Variants in SNTG1 observed in about 807,000 individuals in gnomAD.
SNTG1 encodes the protein gamma-1-syntrophin.
Under a neutral mutation model 74.7 loss-of-function variants are expected in SNTG1, and 39 were observed. That is an observed-to-expected ratio of 0.52 (90% CI 0.40 to 0.68). The LOEUF (loss-of-function observed/expected upper bound fraction) is 0.68. Among genes scored for constraint, SNTG1 ranks in the 30% least tolerant of loss-of-function variants. SNTG1 has a pLI of 0.00. For synonymous variants in SNTG1, 254 were observed against 217.1 expected (o/e 1.17, Z -1.49); for missense variants, 685 against 609.5 (o/e 1.12, Z -1.30).
At chr8:50,546,178 A>G (rs576827189) in intron 11 of SNTG1, among the ~76,000 whole-genome samples, 2 of 152,158 alleles carry the variant, frequency 1.3e-5, no homozygotes, top group Non-Finnish European at 2.9e-5. Flanking sequence ...AGAACTGAGG[A>G]GCAGTGATTA....
intron 1 of SNTG1, among the ~76,000 whole-genome samples, chr8:49,963,643 A>C (rs971919473): frequency 2.0e-5 from 3 of 152,188 alleles, no homozygotes; most frequent in African/African-American, 7.2e-5. Flanking sequence ...GGTGGAATTC[A>C]GTCCAGTGCT....
intron 4 of SNTG1, among the ~76,000 whole-genome samples, chr8:50,424,863 A>G (rs141148778): frequency 5.3e-4 from 81 of 152,328 alleles, no homozygotes; most frequent in African/African-American, 1.7e-3. Context: ...AGATGGAAAC[A>G]TAATTATGCT....
At chr8:49,960,433 A>G (rs1394621837) in intron 1 of SNTG1, among the ~76,000 whole-genome samples, 1 of 152,200 alleles carries the variant, frequency 6.6e-6, no homozygotes, top group African/African-American at 2.4e-5. Context: ...TTACAGCATA[A>G]TATACAGAAT....
intron 17 of SNTG1, among the ~76,000 whole-genome samples, chr8:50,720,565 A>G (rs4146359): frequency 0.1 from 15,586 of 152,188 alleles, 2,237 homozygotes; most frequent in African/African-American, 0.32. Context: ...AGAAAAGTCT[A>G]AGCATTATGA....
At chr8:50,632,949 C>T (rs1301715218) in intron 13 of SNTG1, among the ~76,000 whole-genome samples, 2 of 152,200 alleles carry the variant, frequency 1.3e-5, no homozygotes, top group Admixed American at 6.5e-5. Context: ...AACATATTCA[C>T]TTGCAAAACC....
intron 1 of SNTG1, among the ~76,000 whole-genome samples, chr8:50,098,309 A>C (rs2080002766): frequency 6.6e-6 from 1 of 152,200 alleles, no homozygotes; most frequent in South Asian, 2.1e-4. Context: ...AAGATAGGGT[A>C]ATATACAGTG....
chr8:50,263,935 A>G (rs1313832200), intron 2 of SNTG1, among the ~76,000 whole-genome samples: 3 of 152,228 alleles, frequency 2.0e-5, no homozygotes, highest in African/African-American at 4.8e-5. Flanking sequence ...ATGCTAAGCC[A>G]TAAAACAAGC....
intron 2 of SNTG1, among the ~76,000 whole-genome samples, chr8:50,310,920 T>C (rs1401478615): frequency 1.3e-5 from 2 of 152,170 alleles, no homozygotes; most frequent in Non-Finnish European, 2.9e-5. Context: ...TTACAGTTAA[T>C]CTATTTCAGC....
intron 1 of SNTG1, among the ~76,000 whole-genome samples, chr8:50,089,301 C>A (rs1215008325): frequency 6.6e-6 from 1 of 151,800 alleles, no homozygotes; most frequent in Non-Finnish European, 1.5e-5. Flanking sequence ...ACCATAAAAA[C>A]CCTAGAAGAA....
chr8:50,600,310 T>C (rs1240442638), intron 13 of SNTG1, among the ~76,000 whole-genome samples: 2 of 152,136 alleles, frequency 1.3e-5, no homozygotes, highest in Non-Finnish European at 2.9e-5. Flanking sequence ...AAACTGTCCT[T>C]ATAGAATAAG....
At chr8:50,134,514 T>C (rs1314346244) in intron 1 of SNTG1, among the ~76,000 whole-genome samples, 1 of 152,090 alleles carries the variant, frequency 6.6e-6, no homozygotes, top group African/African-American at 2.4e-5. Context: ...TCCTGGCTTA[T>C]GGGAAAGCTT....
At chr8:50,484,205 C>G (rs1350807347) in intron 8 of SNTG1, among the ~76,000 whole-genome samples, 1 of 114,286 alleles carries the variant, frequency 8.7e-6, no homozygotes, top group African/African-American at 3.7e-5. Flanking sequence ...TCCTTCCTTC[C>G]TTCCTTCCTT....
At chr8:50,681,824 G>A (rs2131392018) in intron 15 of SNTG1, among the ~76,000 whole-genome samples, 1 of 152,264 alleles carries the variant, frequency 6.6e-6, no homozygotes, top group South Asian at 2.1e-4. Context: ...TACTTTTAGT[G>A]CCTTCTGGAT....
intron 1 of SNTG1, among the ~76,000 whole-genome samples, chr8:50,048,988 A>G (rs1372590864): frequency 6.6e-6 from 1 of 152,046 alleles, no homozygotes; most frequent in Non-Finnish European, 1.5e-5. Context: ...CAATATTCTA[A>G]ACCACTCAAA....
chr8:50,521,795 A>C (rs2094181751), intron 9 of SNTG1, among the ~76,000 whole-genome samples: 3 of 152,148 alleles, frequency 2.0e-5, no homozygotes, highest in African/African-American at 4.8e-5. Flanking sequence ...AGTCCATCTC[A>C]AGAAAACACT....
intron 1 of SNTG1, among the ~76,000 whole-genome samples, chr8:49,958,429 T>TTG (rs1810378145): frequency 6.8e-6 from 1 of 147,458 alleles, no homozygotes; most frequent in Non-Finnish European, 1.5e-5. Flanking sequence ...TTTTCTTTCT[T>TTG]TTTTTTTTTT....
intron 1 of SNTG1, among the ~76,000 whole-genome samples, chr8:49,985,655 G>T (rs964050620): frequency 5.9e-5 from 9 of 152,066 alleles, no homozygotes; most frequent in African/African-American, 2.2e-4. Flanking sequence ...TAAATAAGGC[G>T]CATAAACAAT....
At chr8:50,191,392 G>A (rs982471818) in intron 2 of SNTG1, among the ~76,000 whole-genome samples, 5 of 152,090 alleles carry the variant, frequency 3.3e-5, no homozygotes, top group African/African-American at 1.2e-4. Context: ...TATCAGCATA[G>A]GATGCTCTAA....
At chr8:50,321,680 T>C (rs1327627728) in intron 2 of SNTG1, among the ~76,000 whole-genome samples, 1 of 152,096 alleles carries the variant, frequency 6.6e-6, no homozygotes, top group Non-Finnish European at 1.5e-5. Context: ...TCAATATTTG[T>C]ATACTTGTTG....
Sources: gnomAD v4.1 joint callset for allele counts (sites outside exome capture counted in the v4.1 genomes callset) on GRCh38, gnomAD v4.1.1 for gene constraint, MANE v1.5 for transcripts, NCBI Gene and HGNC (gene_info 2026-07-23, HGNC 2026-07-21) for gene names.